The following SLC25A24 variants were observed in gnomAD, a reference collection of about 807,000 sequenced individuals.
The protein encoded by SLC25A24 is solute carrier family 25 member 24.
Under a neutral mutation model 60.7 loss-of-function variants are expected in SLC25A24, and 49 were observed. The ratio of observed to expected loss-of-function variants is 0.81; its 90% CI spans 0.64 to 1.02. SLC25A24 has a LOEUF of 1.02. Ranked by LOEUF, SLC25A24 falls within the 50% of genes least tolerant of loss-of-function variation. SLC25A24 has a pLI of 0.00. For missense variants in SLC25A24, 564 were observed against 586.3 expected, an observed-to-expected ratio of 0.96 and a Z score of 0.39; for synonymous variants, 202 against 200.6, an observed-to-expected ratio of 1.01 and a Z score of -0.06.
chr1:108,137,013 T>A (rs1248096032), intron 9 of SLC25A24, among the ~76,000 whole-genome samples, 176 bp from the exon 10 acceptor site: 1 of 152,106 alleles, frequency 6.6e-6, no homozygotes, highest in Non-Finnish European at 1.5e-5. Context: ...TAACAGTGAG[T>A]GTCCTAACTA....
chr1:108,146,895 G>T (rs1025955711), intron 7 of SLC25A24, among the ~76,000 whole-genome samples: 2 of 152,140 alleles, frequency 1.3e-5, no homozygotes, highest in African/African-American at 4.8e-5. Context: ...TTGTGTCTCT[G>T]CCAGGTTTTA....
chr1:108,174,168 A>T (rs527819905), intron 3 of SLC25A24, among the ~76,000 whole-genome samples: 1 of 152,344 alleles, frequency 6.6e-6, no homozygotes, highest in South Asian at 2.1e-4. Flanking sequence ...AGAGGTCTTC[A>T]GGAAGGGCCC....
chr1:108,178,232 G>A (rs1647767399), intron 3 of SLC25A24, among the ~76,000 whole-genome samples: 2 of 152,074 alleles, frequency 1.3e-5, no homozygotes, highest in East Asian at 1.9e-4. Flanking sequence ...AAAGGAGAGA[G>A]AGACTGCAAT....
chr1:108,154,942 A>G (rs1441460220), intron 6 of SLC25A24, 41 bp downstream of exon 6: 5 of 1,483,978 alleles, frequency 3.4e-6, no homozygotes, highest in Non-Finnish European at 4.6e-6. Context: ...CCGTTTACTA[A>G]CTCCTCTTTG....
At chr1:108,172,911 G>GTAATAA (rs549034051) in intron 3 of SLC25A24, among the ~76,000 whole-genome samples, 129 of 151,580 alleles carry the variant, frequency 8.5e-4, no homozygotes, top group African/African-American at 2.4e-3. Flanking sequence ...ATAAACACTA[G>GTAATAA]TAATAATAAT....
intron 7 of SLC25A24, among the ~76,000 whole-genome samples, chr1:108,147,093 CAT>C (rs1259924422): frequency 2.0e-5 from 3 of 152,226 alleles, no homozygotes; most frequent in Admixed American, 6.5e-5. Flanking sequence ...AATTTCAGAA[CAT>C]GTTATTGGTC....
intron 2 of SLC25A24, among the ~76,000 whole-genome samples, chr1:108,185,066 G>A (rs1033343129): frequency 6.6e-6 from 1 of 152,178 alleles, no homozygotes; most frequent in Non-Finnish European, 1.5e-5. Flanking sequence ...TTTTTAAGAA[G>A]AGGAAGAGAG....
Position 108,161,254 on chromosome 1 carries a change from T to C in SLC25A24, c.438A>G (p.Glu146=). 6.2e-7 allele frequency: 1 copy of C among 1,604,528 alleles called. No individual in the cohort carries two copies. Among genetic ancestry groups the C allele is most frequent in the Non-Finnish European group, 8.5e-7 (1 of 1,172,090 alleles). ...VDGTMTVDWN[E]WRDYFLFNPV... is the part of the protein sequence containing the mutation. ...GATTAAATAAGAAGTAGTCTCTCCA[T>C]TCATTCCAGTCCACTGTCATTGTCC... is the stretch of plus-strand genomic sequence containing the variant. Residue 146 remains glutamate (E), a synonymous_variant, in exon 4 of 10, where the codon GAA becomes GAG. Transcript: ENST00000565488.
At chr1:108,183,695 C>T (rs560031433) in intron 2 of SLC25A24, among the ~76,000 whole-genome samples, 13 of 152,298 alleles carry the variant, frequency 8.5e-5, no homozygotes, top group African/African-American at 2.9e-4. Flanking sequence ...AGCACTTCAG[C>T]ACTACCTTTG....
chr1:108,156,562 G>A (rs1289093892), intron 5 of SLC25A24, among the ~76,000 whole-genome samples: 4 of 152,260 alleles, frequency 2.6e-5, no homozygotes, highest in African/African-American at 9.6e-5. Flanking sequence ...TTAAAACAGT[G>A]TCAGAATCTT....
intron 1 of SLC25A24, among the ~76,000 whole-genome samples, chr1:108,190,935 C>A (rs1050125108): frequency 7.2e-6 from 1 of 139,134 alleles, no homozygotes; most frequent in East Asian, 2.6e-4. Flanking sequence ...CCACTAGGTA[C>A]ACAAAGCGTC....
At chr1:108,186,839 A>T (rs1452850714) in intron 1 of SLC25A24, among the ~76,000 whole-genome samples, 1 of 152,128 alleles carries the variant, frequency 6.6e-6, no homozygotes, top group Non-Finnish European at 1.5e-5. Context: ...GCACTTTGGG[A>T]GGCTGAGGTG....
intron 3 of SLC25A24, among the ~76,000 whole-genome samples, chr1:108,175,121 C>A (rs765847086): frequency 4.6e-5 from 7 of 151,990 alleles, no homozygotes; most frequent in Non-Finnish European, 1.0e-4. Context: ...GGGACCAGGG[C>A]AAAAATGATA....
chr1:108,158,591 T>C (rs1359589676), intron 4 of SLC25A24, among the ~76,000 whole-genome samples: 1 of 152,022 alleles, frequency 6.6e-6, no homozygotes, highest in Non-Finnish European at 1.5e-5. Context: ...AACAATTTTA[T>C]AATGCTTTAT....
chr1:108,166,187 T>C (rs1361519999), intron 3 of SLC25A24, among the ~76,000 whole-genome samples: 2 of 152,226 alleles, frequency 1.3e-5, no homozygotes, highest in African/African-American at 2.4e-5. Flanking sequence ...GGGCTTCCAT[T>C]TGAGGGTAAC....
intron 1 of SLC25A24, chr1:108,198,612 A>T (rs540746368): frequency 6.6e-6 from 1 of 152,372 alleles, no homozygotes; most frequent in South Asian, 2.1e-4. Flanking sequence ...TTACGTAAAA[A>T]TGGTGATACA....
At chr1:108,180,752 A>G (rs1041562021) in intron 3 of SLC25A24, among the ~76,000 whole-genome samples, 9 of 151,956 alleles carry the variant, frequency 5.9e-5, no homozygotes, top group Non-Finnish European at 1.3e-4. Context: ...TGGCACTCTC[A>G]TCTTAAACTT....
In SLC25A24 at chr1:108,199,986, C is replaced by T. The variant is rs1648610091; in HGVS notation, c.153G>A (p.Leu51=). The T allele has an allele frequency of 6.2e-7, 1 of 1,610,956 alleles. No homozygotes were observed. Among genetic ancestry groups the T allele is most frequent in the Non-Finnish European group, 8.5e-7 (1 of 1,179,098 alleles). The stretch of plus-strand genomic sequence containing the variant: ...CGGCGTCCTGGCCCAGAGGGATGCC[C>T]AGGTTCCTGAGCCCCTCCTGCAGCT... ...IGELQEGLRN[L]GIPLGQDAEE... is the part of the protein sequence containing the mutation. The change falls in exon 1 of 10, where the codon CTG becomes CTA. Residue 51 remains leucine, a synonymous_variant. Coordinates refer to ENST00000565488, the MANE Select transcript of SLC25A24 (RefSeq NM_013386.5).
At chr1:108,181,910 A>G in intron 3 of SLC25A24, 31 bp downstream of exon 3, 1 of 1,483,884 alleles carries the variant, frequency 6.7e-7, no homozygotes, top group Non-Finnish European at 9.4e-7. Flanking sequence ...TTAAAGTGAA[A>G]GTCAATTGTT....
Sources: allele counts gnomAD v4.1 joint callset (sites outside exome capture counted in the v4.1 genomes callset), GRCh38; gene constraint gnomAD v4.1.1; transcripts MANE v1.5; gene names NCBI Gene and HGNC (gene_info 2026-07-23, HGNC 2026-07-21).